Variants in PRKCA observed in about 807,000 individuals in gnomAD.
PRKCA encodes the protein protein kinase C alpha type.
In PRKCA, 27 loss-of-function variants were observed where a neutral mutation model predicts 87.0. The observed-to-expected ratio is 0.31, with a 90% CI of 0.23 to 0.43. PRKCA has a LOEUF of 0.43. PRKCA is among the 20% of genes least tolerant of loss of function. PRKCA has a pLI of 1.00. For missense variants in PRKCA, 518 were observed against 852.3 expected (o/e 0.61, Z 4.88); for synonymous variants, 329 against 311.1 (o/e 1.06, Z -0.61).
intron 5 of PRKCA, chr17:66,677,543 C>G (rs548475751): frequency 6.6e-6 from 1 of 152,354 alleles, no homozygotes; most frequent in South Asian, 2.1e-4. Flanking sequence ...AAAAGGTTTG[C>G]TATCTCCTAT....
intron 8 of PRKCA, among the ~76,000 whole-genome samples, chr17:66,693,751 G>A (rs1486181844): frequency 1.3e-5 from 2 of 152,122 alleles, no homozygotes; most frequent in East Asian, 1.9e-4. Context: ...TGGGCCATGC[G>A]GTGTCTGGTA....
intron 8 of PRKCA, among the ~76,000 whole-genome samples, chr17:66,713,232 T>C (rs907764967): frequency 1.3e-5 from 2 of 151,946 alleles, no homozygotes; most frequent in Non-Finnish European, 2.9e-5. Flanking sequence ...TTTTACTTTT[T>C]GTAAAGAAGG....
intron 2 of PRKCA, among the ~76,000 whole-genome samples, chr17:66,337,316 C>G (rs1203300590): frequency 6.6e-6 from 1 of 152,104 alleles, no homozygotes; most frequent in East Asian, 1.9e-4. Flanking sequence ...TATCTCAGTC[C>G]TCAACATGTA....
At chr17:66,757,484 T>G (rs974244224) in intron 13 of PRKCA, among the ~76,000 whole-genome samples, 2 of 150,262 alleles carry the variant, frequency 1.3e-5, no homozygotes, top group Non-Finnish European at 2.9e-5. Context: ...AATCAAAGAA[T>G]TCTGAGGGAA....
At chr17:66,606,382 C>G (rs1970209850) in intron 3 of PRKCA, among the ~76,000 whole-genome samples, 1 of 152,074 alleles carries the variant, frequency 6.6e-6, no homozygotes, top group South Asian at 2.1e-4. Flanking sequence ...CAGAGTGAGA[C>G]TCCGTCTCAA....
At position 66,762,149 on chromosome 17, in the gene PRKCA, A is replaced by C. The variant is rs150287754; in HGVS notation, c.1525-11838A>C. Among the ~76,000 whole-genome samples the C allele has an allele frequency of 2.7e-3, 409 of 152,324 alleles. 2 individuals carry two copies. The highest frequency in any genetic ancestry group is 9.4e-3 in the African/African-American group (389 of 41,552). ...ACGAATGGAAGGTTTATTGTCGCTT[A>C]AGAATTTTCAGGTGCCAACAATCAT... On this transcript the variant is annotated intron_variant, in intron 13 of 16. Transcript: ENST00000413366.
chr17:66,464,932 C>T (rs574293824), intron 2 of PRKCA, among the ~76,000 whole-genome samples: 2 of 152,146 alleles, frequency 1.3e-5, no homozygotes, highest in South Asian at 2.1e-4. Context: ...GTATCTAAAA[C>T]GTTATTGCCA....
At chr17:66,323,183 G>A (rs1020040457) in intron 2 of PRKCA, among the ~76,000 whole-genome samples, 1 of 151,936 alleles carries the variant, frequency 6.6e-6, no homozygotes, top group African/African-American at 2.4e-5. Flanking sequence ...GACTTCTTTT[G>A]ACCTGTGGAG....
intron 2 of PRKCA, among the ~76,000 whole-genome samples, chr17:66,405,072 A>G (rs1399768502): frequency 6.6e-6 from 1 of 151,708 alleles, no homozygotes; most frequent in Non-Finnish European, 1.5e-5. Flanking sequence ...GGCCTTTTTG[A>G]TGGGATGGAA....
At chr17:66,609,574 T>C (rs569724779) in intron 3 of PRKCA, among the ~76,000 whole-genome samples, 13 of 152,270 alleles carry the variant, frequency 8.5e-5, no homozygotes, top group South Asian at 4.2e-4. Context: ...ATATATCTTA[T>C]TGATTTTGTC....
intron 2 of PRKCA, among the ~76,000 whole-genome samples, chr17:66,447,281 T>A (rs1279286823): frequency 1.3e-5 from 2 of 152,234 alleles, no homozygotes. Flanking sequence ...ATTTTTGTAG[T>A]CCCAATTCAT....
At chr17:66,380,879 G>C (rs1355103860) in intron 2 of PRKCA, among the ~76,000 whole-genome samples, 1 of 151,756 alleles carries the variant, frequency 6.6e-6, no homozygotes, top group African/African-American at 2.4e-5. Context: ...CAAAAATACA[G>C]TCTCATATAA....
At chr17:66,570,212 T>G (rs1969035862) in intron 3 of PRKCA, among the ~76,000 whole-genome samples, 1 of 152,180 alleles carries the variant, frequency 6.6e-6, no homozygotes, top group South Asian at 2.1e-4. Context: ...GGTAACCACA[T>G]CTTGCTGGGG....
At chr17:66,770,334 T>G (rs575167836) in intron 13 of PRKCA, among the ~76,000 whole-genome samples, 5 of 152,378 alleles carry the variant, frequency 3.3e-5, no homozygotes, top group Admixed American at 1.3e-4. Flanking sequence ...ATCTTCCATG[T>G]AAACATTTGT....
chr17:66,477,746 C>T (rs546648525), intron 2 of PRKCA, among the ~76,000 whole-genome samples: 3 of 152,264 alleles, frequency 2.0e-5, no homozygotes, highest in Non-Finnish European at 4.4e-5. Context: ...ACGTAATGTA[C>T]AATTCACCCA....
At chr17:66,311,804 T>C (rs1350411044) in intron 2 of PRKCA, among the ~76,000 whole-genome samples, 1 of 152,160 alleles carries the variant, frequency 6.6e-6, no homozygotes, top group Non-Finnish European at 1.5e-5. Flanking sequence ...TTGCTACTCT[T>C]TTACTTTATA....
At chr17:66,561,200 C>T (rs1968669537) in intron 3 of PRKCA, among the ~76,000 whole-genome samples, 1 of 152,190 alleles carries the variant, frequency 6.6e-6, no homozygotes, top group African/African-American at 2.4e-5. Flanking sequence ...GAAATGATCG[C>T]TTTCACATGC....
chr17:66,657,276 G>A (rs1028622503), intron 5 of PRKCA, among the ~76,000 whole-genome samples: 1 of 152,214 alleles, frequency 6.6e-6, no homozygotes, highest in African/African-American at 2.4e-5. Context: ...ATTAAAGATA[G>A]TCAGGGTCCC....
chr17:66,413,924 G>T (rs1911966352), intron 2 of PRKCA, among the ~76,000 whole-genome samples: 1 of 150,946 alleles, frequency 6.6e-6, no homozygotes. Context: ...TGAGGCAGGA[G>T]AATCGCTTGA....
Sources: allele counts gnomAD v4.1 joint callset (sites outside exome capture counted in the v4.1 genomes callset), GRCh38; gene constraint gnomAD v4.1.1; transcripts MANE v1.5; gene names NCBI Gene and HGNC (gene_info 2026-07-23, HGNC 2026-07-21).